The following NRP2 variants were observed in gnomAD, a reference collection of about 807,000 sequenced individuals.
NRP2 encodes the protein neuropilin 2, also known as neuropilin-2.
A neutral mutation model predicts 110.4 loss-of-function variants in NRP2; 52 were observed. The ratio of observed to expected loss-of-function variants is 0.47; its 90% CI spans 0.38 to 0.59. NRP2 has a LOEUF of 0.59. NRP2 is among the 20% of genes least tolerant of loss of function. NRP2 has a pLI of 0.00. For missense variants in NRP2, 1,049 were observed against 1,203.0 expected (o/e 0.87, Z 1.89); for synonymous variants, 508 against 468.9 (o/e 1.08, Z -1.08).
chr2:205,710,581 C>G (rs1376854788), intron 2 of NRP2, among the ~76,000 whole-genome samples: 1 of 152,222 alleles, frequency 6.6e-6, no homozygotes, highest in East Asian at 1.9e-4. Flanking sequence ...GCTGACTTCT[C>G]CATAAAGGCT....
At chr2:205,717,205 A>AC (rs1400040620) in intron 3 of NRP2, among the ~76,000 whole-genome samples, 56 of 101,394 alleles carry the variant, frequency 5.5e-4, no homozygotes, top group South Asian at 1.6e-3. Context: ...TAAGGGAAGC[A>AC]TGTCCTCCAG....
chr2:205,753,179 G>T (rs1389342356), intron 12 of NRP2, among the ~76,000 whole-genome samples: 1 of 152,202 alleles, frequency 6.6e-6, no homozygotes, highest in Non-Finnish European at 1.5e-5. Flanking sequence ...TGTGATTACA[G>T]CACAGCCTGG....
At chr2:205,700,746 C>T (rs771728463) in intron 2 of NRP2, 4 of 518,910 alleles carry the variant, frequency 7.7e-6, no homozygotes, top group Non-Finnish European at 1.2e-5. Context: ...CAAGCCGCAG[C>T]TTTGCCTGAC....
At position 205,683,088 on chromosome 2, in the gene NRP2, C is replaced by A; in HGVS notation, c.-203C>A. On this transcript the variant is annotated 5_prime_UTR_variant, in exon 1 of 17. The change creates a premature stop within an existing upstream ORF in the 5' untranslated region. Coordinates refer to ENST00000357785, the MANE Select transcript of NRP2 (RefSeq NM_003872.3). ...CGGCTTGTTCCCTCTTTGCTGATTTCAGGAGCTACTCTCCTCCTGGTGAGG... is the reference window on the plus strand; with the variant it reads ...CGGCTTGTTCCCTCTTTGCTGATTTAAGGAGCTACTCTCCTCCTGGTGAGG... 1.7e-6 allele frequency: 1 copy of A among 585,162 alleles called. No homozygotes were observed. Among genetic ancestry groups the A allele is most frequent in the South Asian group, 2.0e-5 (1 of 48,870 alleles). 36.2% of individuals were successfully genotyped at this position (585,162 alleles called of 1,614,324 possible).
intron 7 of NRP2, among the ~76,000 whole-genome samples, chr2:205,728,646 G>A (rs1044376673): frequency 2.8e-4 from 42 of 152,368 alleles, no homozygotes; most frequent in African/African-American, 9.9e-4. Flanking sequence ...TGTGGGTGAT[G>A]TGGGGCTTTT....
chr2:205,792,144 G>A, intron 15 of NRP2, 91 bp from the exon 16 acceptor site: 1 of 824,096 alleles, frequency 1.2e-6, no homozygotes, highest in South Asian at 1.4e-5. Flanking sequence ...TGCCAGAATG[G>A]GGAGTCATTC....
intron 15 of NRP2, among the ~76,000 whole-genome samples, chr2:205,782,402 C>T (rs1016843663): frequency 6.6e-5 from 10 of 152,124 alleles, no homozygotes. Context: ...AGGGAGGCTG[C>T]TGGAGGGAGA....
rs776279335 is a variant in NRP2 at position 205,794,761 on chromosome 2, C to T, written c.2484C>T (p.Tyr828=). The T allele has an allele frequency of 1.1e-5, 18 of 1,614,032 alleles. No individual in the cohort carries two copies. The highest frequency in any genetic ancestry group is 4.0e-5 in the African/African-American group (3 of 74,912). The part of the protein sequence containing the change: ...EGYEDEIDDE[Y]EVDWSNSSSA... ...GAATTTTATGTATCGCAGATGAATA[C>T]GAGGTGGACTGGAGCAATTCTTCTT... The change falls in exon 17 of 17, where the codon TAC becomes TAT. Residue 828 remains tyrosine, a synonymous_variant. Coordinates refer to ENST00000357785, the MANE Select transcript of NRP2 (RefSeq NM_003872.3).
intron 3 of NRP2, among the ~76,000 whole-genome samples, chr2:205,719,476 A>C (rs994106810): frequency 1.4e-5 from 2 of 146,450 alleles, no homozygotes; most frequent in South Asian, 2.1e-4. Flanking sequence ...ACAGAAACAA[A>C]AAAAAAAAAA....
Position 205,795,037 on chromosome 2 carries a change from A to G in NRP2, c.2760A>G (p.Gln920=), listed in dbSNP as rs7557084. 1 of 1,614,156 alleles carries G rather than the reference A, an allele frequency of 6.2e-7. No individual in the cohort carries two copies. The highest frequency in any genetic ancestry group is 1.1e-5 in the South Asian group (1 of 91,082). ...AGCACAAGGTCAAGATGAACCACCA[A>G]AAGTGCTGCTCCGAGGCATGACGGA... is the stretch of plus-strand genomic sequence containing the variant. ...GLKHKVKMNH[Q]KCCSEA is the part of the protein sequence containing the mutation. Residue 920 remains glutamine (Q), a synonymous_variant, in exon 17 of 17, where the codon CAA becomes CAG. Transcript: ENST00000357785.
chr2:205,683,323 AGC>A lies in NRP2; in HGVS notation c.34_35del (p.Ala12ProfsTer65). The A allele has an allele frequency of 6.2e-7, 1 of 1,614,064 alleles. No individual in the cohort carries two copies. The highest frequency in any genetic ancestry group is 8.5e-7 in the Non-Finnish European group (1 of 1,179,924). The part of the protein sequence containing the change: ...DMFPLTWVFL[A>X]LYFSRHQVRG... ...TGTTTCCTCTCACCTGGGTTTTCTT[AGC>A]CCTCTACTTTTCAAGACACCAAGTG... On this transcript the variant is annotated frameshift_variant, in exon 1 of 17. Coordinates refer to ENST00000357785, the MANE Select transcript of NRP2 (RefSeq NM_003872.3). LOFTEE classifies it high-confidence loss of function.
In NRP2 at chr2:205,743,252, C is replaced by A; in HGVS notation, c.1341C>A (p.Asp447Glu). 6.2e-7 allele frequency: 1 copy of A among 1,614,086 alleles called. No individual in the cohort carries two copies. The highest frequency in any genetic ancestry group is 2.2e-5 in the East Asian group (1 of 44,878). The part of the protein sequence containing the change: ...MLGMLSGLIA[D>E]SQISASSTQE... ...GGATGCTCTCAGGCCTCATTGCAGACTCCCAGATCTCCGCCTCTTCCACCC... is the reference window on the plus strand; with the variant it reads ...GGATGCTCTCAGGCCTCATTGCAGAATCCCAGATCTCCGCCTCTTCCACCC... Residue 447 changes from aspartate to glutamate, a missense_variant, in exon 9 of 17, where the codon GAC (aspartate) becomes GAA (glutamate). Asp to Glu is a conservative substitution (Grantham distance 45). Transcript: ENST00000357785.
In NRP2 at chr2:205,684,880, C is replaced by A. The variant is rs1575528567; in HGVS notation, c.73+1517C>A. The stretch of plus-strand genomic sequence containing the variant: ...TTCGCTGTGTGTGTGTGCACACGCG[C>A]GCGCGCCGTGAGGATGCCCACAGTA... On this transcript the variant is annotated intron_variant, in intron 1 of 16. Coordinates refer to ENST00000357785, the MANE Select transcript of NRP2 (RefSeq NM_003872.3). Among the ~76,000 whole-genome samples the A allele has an allele frequency of 1.3e-5, 2 of 152,338 alleles. 1 individual carries two copies. Among genetic ancestry groups the A allele is most frequent in the African/African-American group, 4.8e-5 (2 of 41,574 alleles).
At chr2:205,707,689 C>G (rs1215271982) in intron 2 of NRP2, among the ~76,000 whole-genome samples, 1 of 152,202 alleles carries the variant, frequency 6.6e-6, no homozygotes, top group African/African-American at 2.4e-5. Context: ...GTGGTGGATT[C>G]CCTGGTGCCC....
rs183083726 is a variant in NRP2, at chr2:205,748,070, C to T, written c.1787-1655C>T. 4.5e-3 allele frequency among the ~76,000 whole-genome samples: 685 copies of T among 152,076 alleles called. 4 individuals carry two copies. Among genetic ancestry groups the T allele is most frequent in the Middle Eastern group, 6.8e-3 (2 of 294 alleles). ...ACAAACAGTATAAACACCGAGGCCT[C>T]GGTGCCCGCCGTTCCTCCACTTTCA... is the stretch of plus-strand genomic sequence containing the variant. On this transcript the variant is annotated intron_variant, in intron 10 of 16. Transcript: ENST00000357785.
At position 205,763,995 on chromosome 2, in the gene NRP2, C is replaced by T; in HGVS notation, c.2307+59C>T. 12 of 1,602,082 alleles carry T rather than the reference C, an allele frequency of 7.5e-6. No homozygotes were observed. Among genetic ancestry groups the T allele is most frequent in the Non-Finnish European group, 9.4e-6 (11 of 1,172,056 alleles). ...TATTTCAATATTTCAAGGGCCGAGC[C>T]CATTCATCGTTAGGGAACGTGGTTA... On this transcript the variant is annotated intron_variant, in intron 13 of 16. Coordinates refer to ENST00000357785, the MANE Select transcript of NRP2 (RefSeq NM_003872.3). This position sits in a 1 kb window ranked among gnomAD's most constrained non-coding sequence, Gnocchi z 4.0.
intron 10 of NRP2, among the ~76,000 whole-genome samples, chr2:205,746,859 G>A (rs549930445): frequency 2.6e-5 from 4 of 152,318 alleles, no homozygotes; most frequent in South Asian, 2.1e-4. Flanking sequence ...CTACAGCAGC[G>A]CAGAGGAGCC....
At chr2:205,695,794 C>G (rs994465984) in intron 1 of NRP2, among the ~76,000 whole-genome samples, 2 of 152,148 alleles carry the variant, frequency 1.3e-5, no homozygotes, top group African/African-American at 2.4e-5. Context: ...CCAGGACCAA[C>G]GGGCCTCAAT....
chr2:205,683,219 AAG>A lies in NRP2; in HGVS notation c.-66_-65del. On this transcript the variant is annotated 5_prime_UTR_variant, in exon 1 of 17. Coordinates refer to ENST00000357785, the MANE Select transcript of NRP2 (RefSeq NM_003872.3). ...TAAGACGTTGTAAGGAGGAAAATAA[AAG>A]AGAGAAAAACACAAAGATTTAAACA... 1 of 1,148,320 alleles carries A rather than the reference AAG, an allele frequency of 8.7e-7. No homozygotes were observed. The highest frequency in any genetic ancestry group is 2.4e-5 in the East Asian group (1 of 41,684). 71.1% of individuals were successfully genotyped at this position (1,148,320 alleles called of 1,614,324 possible).
Sources: gnomAD v4.1 joint callset for allele counts (sites outside exome capture counted in the v4.1 genomes callset) on GRCh38, gnomAD v4.1.1 for gene constraint, Gnocchi (gnomAD v3.1) non-coding constraint, MANE v1.5 for transcripts, NCBI Gene and HGNC (gene_info 2026-07-23, HGNC 2026-07-21) for gene names.